The following TRIO variants were observed in gnomAD, a reference collection of about 807,000 sequenced individuals.
TRIO encodes triple functional domain protein.
Under a neutral mutation model 351.9 loss-of-function variants are expected in TRIO, and 58 were observed. The ratio of observed to expected loss-of-function variants is 0.16; its 90% CI spans 0.13 to 0.21. TRIO has a LOEUF of 0.21. TRIO is among the 10% of genes least tolerant of loss of function. TRIO has a pLI of 1.00. For synonymous variants in TRIO, 1,758 were observed against 1,595.7 expected (o/e 1.10, Z -2.42); for missense variants, 3,201 against 4,027.8 (o/e 0.79, Z 5.56).
chr5:14,341,264 G>A (rs1741919395), intron 11 of TRIO, among the ~76,000 whole-genome samples: 1 of 152,110 alleles, frequency 6.6e-6, no homozygotes, highest in South Asian at 2.1e-4. Flanking sequence ...ATTTTTCACT[G>A]TTTATTTGTT....
intron 9 of TRIO, among the ~76,000 whole-genome samples, chr5:14,325,232 G>T (rs1740262091): frequency 6.6e-6 from 1 of 152,326 alleles, no homozygotes. Flanking sequence ...TGAGGGTTTA[G>T]TATGTGTTTC....
chr5:14,332,294 T>TA (rs1298406413), intron 10 of TRIO, among the ~76,000 whole-genome samples: 1 of 152,232 alleles, frequency 6.6e-6, no homozygotes, highest in African/African-American at 2.4e-5. Context: ...TCTTCCTGGA[T>TA]AAAAGAGTTT....
At chr5:14,397,396 A>T in intron 29 of TRIO, 1 of 413,248 alleles carries the variant, frequency 2.4e-6, no homozygotes, top group South Asian at 3.1e-5. Context: ...GGACTCCAAT[A>T]GCACTTTGTG....
In TRIO at chr5:14,291,108, G is replaced by A. The variant is rs1217415696; in HGVS notation, c.933G>A (p.Val311=). Residue 311 remains valine, a synonymous_variant, in exon 5 of 57, where the codon GTG becomes GTA. Coordinates refer to ENST00000344204, the MANE Select transcript of TRIO (RefSeq NM_007118.4). ...NADLQNLLPK[V]STMLDRLHST... ...ACCTGCAGAACCTCTTGCCCAAGGT[G>A]TCCACCATGCTGGACCGGCTGCACT... 1.9e-6 allele frequency: 3 copies of A among 1,614,062 alleles called. No individual in the cohort carries two copies. The highest frequency in any genetic ancestry group is 2.7e-5 in the African/African-American group (2 of 74,912).
At chr5:14,317,625 A>G (rs925425747) in intron 9 of TRIO, among the ~76,000 whole-genome samples, 1 of 152,184 alleles carries the variant, frequency 6.6e-6, no homozygotes, top group Non-Finnish European at 1.5e-5. Context: ...TTCTGATGAG[A>G]CTGAGATTCT....
rs1753914204 is a variant in TRIO at position 14,462,621 on chromosome 5, CGAG to C, written c.5497-132_5497-130del. 5 of 1,249,302 alleles carry C rather than the reference CGAG, an allele frequency of 4.0e-6. No individual in the cohort carries two copies. In the South Asian group the frequency reaches 7.2e-5, roughly 18 times the overall value. The allele number at this position is 1,249,302 out of a possible 1,614,324, so 77.4% of individuals were successfully genotyped here. On this transcript the variant is annotated intron_variant, in intron 35 of 56. Transcript: ENST00000344204. The stretch of plus-strand genomic sequence containing the variant: ...GCAGGAAGAGAGGAAAAGTTACCAT[CGAG>C]GTCGAGAATAGCTTTGTTCCTGATT...
chr5:14,252,098 C>A (rs1794779358), intron 1 of TRIO, among the ~76,000 whole-genome samples: 1 of 151,368 alleles, frequency 6.6e-6, no homozygotes, highest in Non-Finnish European at 1.5e-5. Context: ...TACTTTCTTA[C>A]TGTAAACTCA....
intron 1 of TRIO, among the ~76,000 whole-genome samples, chr5:14,223,009 A>T (rs1354550811): frequency 6.6e-6 from 1 of 152,214 alleles, no homozygotes; most frequent in Non-Finnish European, 1.5e-5. Flanking sequence ...AATCCTGGGC[A>T]TGAAGCCTTT....
chr5:14,266,020 C>G (rs908964226), intron 1 of TRIO, among the ~76,000 whole-genome samples: 1 of 152,046 alleles, frequency 6.6e-6, no homozygotes, highest in Non-Finnish European at 1.5e-5. Context: ...TGGTTGAGTT[C>G]ATTGATTGAT....
chr5:14,189,249 G>C (rs537687539), intron 1 of TRIO, among the ~76,000 whole-genome samples: 61 of 152,250 alleles, frequency 4.0e-4, no homozygotes, highest in African/African-American at 1.4e-3. Context: ...CCTGTACTTG[G>C]AGCATCTGTC....
intron 1 of TRIO, among the ~76,000 whole-genome samples, chr5:14,251,520 C>T (rs1794745282): frequency 6.6e-6 from 1 of 152,246 alleles, no homozygotes; most frequent in Non-Finnish European, 1.5e-5. Context: ...GGCGCTGGGC[C>T]TGTGCATCTG....
chr5:14,414,964 T>C (rs116791607), intron 33 of TRIO, among the ~76,000 whole-genome samples: 1 of 152,186 alleles, frequency 6.6e-6, no homozygotes, highest in Non-Finnish European at 1.5e-5. Flanking sequence ...ATAGTTACCC[T>C]TTTTTGTAAC....
chr5:14,350,943 G>A (rs577104073), intron 11 of TRIO, among the ~76,000 whole-genome samples: 55 of 152,234 alleles, frequency 3.6e-4, no homozygotes, highest in African/African-American at 1.2e-3. Flanking sequence ...TTCTCATCCC[G>A]TAAGGAGTGC....
chr5:14,284,417 AC>A (rs1736269381), intron 3 of TRIO, among the ~76,000 whole-genome samples: 1 of 152,136 alleles, frequency 6.6e-6, no homozygotes, highest in East Asian at 1.9e-4. Flanking sequence ...CTGGCTTTTA[AC>A]TTGATAAAAA....
rs1361312909 is a variant in TRIO, at chr5:14,474,137, G to A, written c.6083+40G>A. 4 of 1,580,902 alleles carry A rather than the reference G, an allele frequency of 2.5e-6. No individual in the cohort carries two copies. The African/African-American group carries it at 4.0e-5, about 16-fold the overall frequency. The stretch of plus-strand genomic sequence containing the variant: ...ATTGTGCCCGATGGTGTGCAAAGCA[G>A]CCACACTTGCTAAACCAAGGCAGGC... On this transcript the variant is annotated intron_variant, in intron 40 of 56. Transcript: ENST00000344204.
intron 37 of TRIO, among the ~76,000 whole-genome samples, chr5:14,469,711 T>C (rs1350410094): frequency 2.0e-5 from 3 of 152,210 alleles, no homozygotes; most frequent in African/African-American, 7.2e-5. Flanking sequence ...GTGTGCACCC[T>C]CTCGGCAGCC....
chr5:14,304,270 TG>T (rs985642444), intron 7 of TRIO, among the ~76,000 whole-genome samples, 190 bp from the exon 8 acceptor site: 1 of 152,206 alleles, frequency 6.6e-6, no homozygotes, highest in African/African-American at 2.4e-5. Context: ...CCAGTCCTGC[TG>T]GAACTCACTC....
chr5:14,278,726 C>G (rs1343589617), intron 2 of TRIO, among the ~76,000 whole-genome samples: 4 of 152,122 alleles, frequency 2.6e-5, no homozygotes, highest in Non-Finnish European at 4.4e-5. Flanking sequence ...TGATGTTACC[C>G]TAAAAATCAT....
At chr5:14,318,644 G>T (rs995070930) in intron 9 of TRIO, among the ~76,000 whole-genome samples, 2 of 152,178 alleles carry the variant, frequency 1.3e-5, no homozygotes, top group Admixed American at 1.3e-4. Context: ...GCCAGAGAAA[G>T]AATACAGTGC....
Sources: allele counts gnomAD v4.1 joint callset (sites outside exome capture counted in the v4.1 genomes callset), GRCh38; gene constraint gnomAD v4.1.1; transcripts MANE v1.5; gene names NCBI Gene and HGNC (gene_info 2026-07-23, HGNC 2026-07-21).